Variants in HK3 observed in about 807,000 individuals in gnomAD.
HK3 encodes the protein hexokinase 3, also known as hexokinase-3.
HK3 carries 93 observed loss-of-function variants against 91.0 expected under a neutral mutation model. That is an observed-to-expected ratio of 1.02 (90% CI 0.86 to 1.21). HK3 has a LOEUF of 1.21. Among genes scored for constraint, HK3 ranks in the 50% most tolerant of loss-of-function variants. The probability of loss-of-function intolerance (pLI) is 0.00; values close to 1 mark genes in which losing one functional copy is unlikely to be tolerated. For synonymous variants in HK3, 519 were observed against 516.9 expected (o/e 1.00, Z -0.06); for missense variants, 1,235 against 1,247.4 (o/e 0.99, Z 0.15).
At chr5:176,890,583 C>T (rs1758738419) in intron 6 of HK3, 52 bp downstream of exon 6, 2 of 1,513,036 alleles carry the variant, frequency 1.3e-6, no homozygotes, top group Non-Finnish European at 1.8e-6. Flanking sequence ...CGCATGTGTG[C>T]CAGGCCCAGG....
intron 1 of HK3, among the ~76,000 whole-genome samples, chr5:176,897,111 C>A (rs1474315723): frequency 1.3e-5 from 2 of 152,106 alleles, no homozygotes; most frequent in Non-Finnish European, 1.5e-5. Context: ...AATGAGATCA[C>A]GAGAGCAAAG....
rs773720753 is a variant in HK3, at chr5:176,888,697, T to TCC, written c.1070+10_1070+11dup. 6 of 1,613,726 alleles carry TCC rather than the reference T, an allele frequency of 3.7e-6. No individual in the cohort carries two copies. In the African/African-American group the frequency reaches 5.3e-5, roughly 14 times the overall value. On this transcript the variant is annotated intron_variant, in intron 9 of 18. Coordinates refer to ENST00000292432, the MANE Select transcript of HK3 (RefSeq NM_002115.3). ...AAGAATCCCCCACTAAACCACCATC[T>TCC]CCCCGACTCACTCCTCCATCTCAGC... is the stretch of plus-strand genomic sequence containing the variant.
At chr5:176,890,608 C>A (rs764028191) in intron 6 of HK3, 27 bp downstream of exon 6, 19 of 1,603,884 alleles carry the variant, frequency 1.2e-5, no homozygotes, top group Non-Finnish European at 1.6e-5. Flanking sequence ...CATGGGCAGC[C>A]CTCCTGTCAC....
At chr5:176,889,239 A>T in intron 8 of HK3, 142 bp downstream of exon 8, 1 of 914,972 alleles carries the variant, frequency 1.1e-6, no homozygotes, top group Non-Finnish European at 1.7e-6. Context: ...GAACCTGGCC[A>T]GGGCCCCCAG....
Position 176,891,517 on chromosome 5 carries a change from T to C in HK3, c.130A>G (p.Arg44Gly). 6.2e-7 allele frequency: 1 copy of C among 1,613,896 alleles called. No individual in the cohort carries two copies. The highest frequency in any genetic ancestry group is 1.1e-5 in the South Asian group (1 of 91,034). ...QECLQQFKVTRAQLQQIQASL... is the reference protein window; with the variant it reads ...QECLQQFKVTGAQLQQIQASL... ...GCTTGGATCTGCTGTAGCTGTGCCC[T>C]TGTCACCTTGAACTGCTGCAGGCAC... Residue 44 changes from arginine to glycine, a missense_variant, in exon 3 of 19, where the codon AGG becomes GGG. Arg to Gly is a moderately radical substitution (Grantham distance 125). Coordinates refer to ENST00000292432, the MANE Select transcript of HK3 (RefSeq NM_002115.3).
Position 176,887,884 on chromosome 5 carries a change from C to A in HK3, c.1305-138G>T. On this transcript the variant is annotated intron_variant, in intron 10 of 18. Coordinates refer to ENST00000292432, the MANE Select transcript of HK3 (RefSeq NM_002115.3). This position sits in a 1 kb window ranked among gnomAD's most constrained non-coding sequence, Gnocchi z 4.9. ...CAGACCCCTAGGGCCTCCTGAAGCC[C>A]AAGGCCCCATCACTTTTTTTTTTTT... The A allele has an allele frequency of 1.3e-6, 1 of 763,086 alleles. No homozygotes were observed. Among genetic ancestry groups the A allele is most frequent in the Non-Finnish European group, 2.1e-6 (1 of 478,020 alleles). The allele number at this position is 763,086 out of a possible 1,614,324, so 47.3% of individuals were successfully genotyped here.
Position 176,887,869 on chromosome 5 carries a change from G to T in HK3, c.1305-123C>A. 1 of 993,570 alleles carries T rather than the reference G, an allele frequency of 1.0e-6. No individual in the cohort carries two copies. The highest frequency in any genetic ancestry group is 1.5e-6 in the Non-Finnish European group (1 of 680,394). The allele number at this position is 993,570 out of a possible 1,614,324, so 61.5% of individuals were successfully genotyped here. On this transcript the variant is annotated intron_variant, in intron 10 of 18. Coordinates refer to ENST00000292432, the MANE Select transcript of HK3 (RefSeq NM_002115.3). This position sits in a 1 kb window ranked among gnomAD's most constrained non-coding sequence, Gnocchi z 4.9. ...TGCCCAGCTTGGCCCCAGACCCCTAGGGCCTCCTGAAGCCCAAGGCCCCAT... is the reference window on the plus strand; with the variant it reads ...TGCCCAGCTTGGCCCCAGACCCCTATGGCCTCCTGAAGCCCAAGGCCCCAT...
chr5:176,883,941 TCTCTACCGCAGAGGG>T (rs1453455703), intron 14 of HK3, 72 bp from the exon 15 acceptor site: 1 of 1,582,904 alleles, frequency 6.3e-7, no homozygotes. Flanking sequence ...GACCCAGAGG[TCTCTACCGCAGAGGG>T]CTCCCCCCTC....
chr5:176,882,646 T>A (rs1478645626), intron 15 of HK3, among the ~76,000 whole-genome samples: 1 of 152,134 alleles, frequency 6.6e-6, no homozygotes, highest in Non-Finnish European at 1.5e-5. Flanking sequence ...AAGGAGAGCA[T>A]CGTGGGAGCC....
rs1299563307 is a variant in HK3, at chr5:176,891,536, C to T, written c.111G>A (p.Leu37=). The change falls in exon 3 of 19, where the codon CTG becomes CTA. Residue 37 remains leucine, a synonymous_variant. Coordinates refer to ENST00000292432, the MANE Select transcript of HK3 (RefSeq NM_002115.3). ...GTGCCCTTGTCACCTTGAACTGCTG[C>T]AGGCACTCCTGCACCTGGGGAGAAA... The part of the protein sequence containing the change: ...SDSSELVQEC[L]QQFKVTRAQL... 6.2e-7 allele frequency: 1 copy of T among 1,612,428 alleles called. No homozygotes were observed. Among genetic ancestry groups the T allele is most frequent in the African/African-American group, 1.3e-5 (1 of 74,902 alleles).
rs201951471 is a variant in HK3, at chr5:176,889,750, T to C, written c.631-6A>G. The C allele has an allele frequency of 5.3e-5, 85 of 1,613,214 alleles. No individual in the cohort carries two copies. In the East Asian group the frequency reaches 1.2e-3, roughly 23 times the overall value. On this transcript the variant is annotated splice_region_variant and splice_polypyrimidine_tract_variant and intron_variant, in intron 6 of 18. Coordinates refer to ENST00000292432, the MANE Select transcript of HK3 (RefSeq NM_002115.3). The stretch of plus-strand genomic sequence containing the variant: ...ACCACGTCGATGTTGTAGGCCTAGA[T>C]GATGAAGAGGGCAGAGGTCAAGGCT...
intron 5 of HK3, 40 bp downstream of exon 5, chr5:176,890,782 G>A (rs752918088): frequency 6.2e-7 from 1 of 1,614,068 alleles, no homozygotes; most frequent in Non-Finnish European, 8.5e-7. Flanking sequence ...TGGGGCTGCA[G>A]CCACCCTCTA....
intron 1 of HK3, among the ~76,000 whole-genome samples, 151 bp downstream of exon 1, chr5:176,899,116 T>TAG (rs921821513): frequency 1.1e-4 from 17 of 151,958 alleles, no homozygotes; most frequent in African/African-American, 1.7e-4. Flanking sequence ...GTCTGGGTGA[T>TAG]AGAGAGAGAG....
chr5:176,887,318 G>A lies in HK3; in HGVS notation c.1620C>T (p.Ala540=). The A allele has an allele frequency of 6.2e-7, 1 of 1,613,992 alleles. No homozygotes were observed. The highest frequency in any genetic ancestry group is 8.5e-7 in the Non-Finnish European group (1 of 1,180,016). The change falls in exon 12 of 19, where the codon GCC becomes GCT. Residue 540 remains alanine, a synonymous_variant. Coordinates refer to ENST00000292432, the MANE Select transcript of HK3 (RefSeq NM_002115.3). This position sits in a 1 kb window ranked among gnomAD's most constrained non-coding sequence, Gnocchi z 4.9. ...PDGSERGDFL[A]LDLGGTNFRV... ...GGAAGTTCGTGCCCCCGAGGTCCAG[G>A]GCCAGGAAATCCCCTCGCTCTGTGG...
chr5:176,897,835 A>C (rs752726606), intron 1 of HK3, among the ~76,000 whole-genome samples: 7 of 152,072 alleles, frequency 4.6e-5, no homozygotes, highest in Non-Finnish European at 7.4e-5. Context: ...AGGGCTCCCA[A>C]ATCTACCTTT....
chr5:176,881,107 A>T lies in HK3; in HGVS notation c.2738T>A (p.Val913Asp). ...AGTCAACTGCGCAAGGCGGCAGGCAACAGCGGTGACCAGGGCCGCACCTTT... is the reference window on the plus strand; with the variant it reads ...AGTCAACTGCGCAAGGCGGCAGGCATCAGCGGTGACCAGGGCCGCACCTTT... ...SGKGAALVTAVACRLAQLTRV is the reference protein window; with the variant it reads ...SGKGAALVTADACRLAQLTRV Residue 913 changes from valine to aspartate, a missense_variant, in exon 19 of 19, where the codon GTT (valine) becomes GAT (aspartate). This residue lies in a region of HK3 where 513 missense variants were observed against 477.4 expected (regional missense o/e 1.07). Coordinates refer to ENST00000292432, the MANE Select transcript of HK3 (RefSeq NM_002115.3). The T allele has an allele frequency of 6.2e-7, 1 of 1,612,174 alleles. No homozygotes were observed.
rs1157266853 is a variant in HK3 at position 176,881,848 on chromosome 5, C to T, written c.2238-1G>A. 3.1e-6 allele frequency: 5 copies of T among 1,611,452 alleles called. No homozygotes were observed. The Admixed American group carries it at 6.7e-5, about 22-fold the overall frequency. On this transcript the variant is annotated splice_acceptor_variant, in intron 16 of 18. Coordinates refer to ENST00000292432, the MANE Select transcript of HK3 (RefSeq NM_002115.3). LOFTEE classifies it high-confidence loss of function. ...CATGCCGCTGATCATCTTTTCAAAC[C>T]TGCATGAACATGTGTGCACTCGGCA...
rs190598334 is a variant in HK3 at position 176,884,406 on chromosome 5, C to T, written c.1858-272G>A. Among the ~76,000 whole-genome samples, 53 of 152,304 alleles carry T rather than the reference C, an allele frequency of 3.5e-4. No homozygotes were observed. Among genetic ancestry groups the T allele is most frequent in the African/African-American group, 1.2e-3 (49 of 41,556 alleles). On this transcript the variant is annotated intron_variant, in intron 13 of 18. Coordinates refer to ENST00000292432, the MANE Select transcript of HK3 (RefSeq NM_002115.3). The surrounding 1 kb of genome is among the most constrained non-coding windows in gnomAD (Gnocchi z 4.1). ...GTCAGAGGGTCTGGCCATTTTAAGACGTGTGCCCGGAAGGAATGGCCCTTT... is the reference window on the plus strand; with the variant it reads ...GTCAGAGGGTCTGGCCATTTTAAGATGTGTGCCCGGAAGGAATGGCCCTTT...
chr5:176,898,174 G>A (rs891390179), intron 1 of HK3, among the ~76,000 whole-genome samples: 6 of 152,140 alleles, frequency 3.9e-5, no homozygotes, highest in Non-Finnish European at 8.8e-5. Flanking sequence ...CTCCTAAACT[G>A]ATAGCTCTGC....
Sources: allele counts gnomAD v4.1 joint callset (sites outside exome capture counted in the v4.1 genomes callset), GRCh38; gene constraint gnomAD v4.1.1; regional missense constraint gnomAD v4.1.1; non-coding constraint Gnocchi (gnomAD v3.1); transcripts MANE v1.5; gene names NCBI Gene and HGNC (gene_info 2026-07-23, HGNC 2026-07-21).